SCARA3: variants seen among roughly 807,000 people sequenced by gnomAD.
SCARA3 encodes cellular stress response gene protein.
SCARA3 carries 39 observed loss-of-function variants against 47.0 expected under a neutral mutation model. That is an observed-to-expected ratio of 0.83 (90% confidence interval 0.64 to 1.08). The LOEUF (loss-of-function observed/expected upper bound fraction) is 1.08. SCARA3 is among the 50% of genes least tolerant of loss of function. SCARA3 has a pLI of 0.00. For missense variants in SCARA3, 724 were observed against 792.3 expected (o/e 0.91, Z 1.04); for synonymous variants, 356 against 334.1 (o/e 1.07, Z -0.71).
chr8:27,660,693 TGATAGATAGATAGATAGATAGATA>T (rs200533534), intron 5 of SCARA3, among the ~76,000 whole-genome samples: 1 of 89,338 alleles, frequency 1.1e-5, no homozygotes, highest in African/African-American at 3.2e-5. Context: ...GAGTGATAGA[TGATAGATAGATAGATAGATAGATA>T]GATAGATAGA....
rs1802156283 is a variant in SCARA3 at position 27,671,513 on chromosome 8, T to G, written c.*162T>G. On this transcript the variant is annotated 3_prime_UTR_variant, in exon 6 of 6. Coordinates refer to ENST00000301904, the MANE Select transcript of SCARA3 (RefSeq NM_016240.3). The stretch of plus-strand genomic sequence containing the variant: ...GCTTTGGGCTCCCCCATAGTGACTG[T>G]GCCATAGGAAAGCAGCCCCTCCTCA... The G allele has an allele frequency of 7.8e-7, 1 of 1,288,666 alleles. No individual in the cohort carries two copies. Among genetic ancestry groups the G allele is most frequent in the South Asian group, 3.0e-5 (1 of 33,120 alleles). 79.8% of individuals were successfully genotyped at this position (1,288,666 alleles called of 1,614,324 possible).
chr8:27,691,467 G>C, the SCARA3 span, among the ~76,000 whole-genome samples: 2 of 152,010 alleles, frequency 1.3e-5, no homozygotes, highest in Non-Finnish European at 2.9e-5. Context: ...AACGTTTCCA[G>C]CCTGACTGCT....
chr8:27,686,530 A>T, the SCARA3 span, among the ~76,000 whole-genome samples: 1 of 152,162 alleles, frequency 6.6e-6, no homozygotes, highest in African/African-American at 2.4e-5. Flanking sequence ...TTAGTAAGAA[A>T]CAAGGAGGAC....
the SCARA3 span, chr8:27,701,799 C>G: frequency 6.5e-6 from 1 of 153,708 alleles, no homozygotes. Context: ...AGATCGTGAG[C>G]TGCTTGATGA....
rs1449682449 is a variant in SCARA3, at chr8:27,659,460, C to T, written c.1290C>T (p.Asn430=). 12 of 1,613,926 alleles carry T rather than the reference C, an allele frequency of 7.4e-6. No individual in the cohort carries two copies. Among genetic ancestry groups the T allele is most frequent in the Non-Finnish European group, 1.0e-5 (12 of 1,179,992 alleles). ...CCCGGCTGGACCTCAACGTCCGGAA[C>T]CTCTCCATGATCGTGGAGGAGATGA... ...LSARLDLNVR[N]LSMIVEEMKA... is the part of the protein sequence containing the mutation. Residue 430 remains asparagine (N), a synonymous_variant, in exon 5 of 6, where the codon AAC becomes AAT. Coordinates refer to ENST00000301904, the MANE Select transcript of SCARA3 (RefSeq NM_016240.3).
the SCARA3 span, among the ~76,000 whole-genome samples, chr8:27,715,821 AGAT>A: frequency 2.1e-5 from 3 of 140,658 alleles, no homozygotes; most frequent in African/African-American, 8.0e-5. The surrounding 1 kb of genome is among the most constrained non-coding windows in gnomAD (Gnocchi z 4.2). Context: ...ATAGATAGAT[AGAT>A]GATAGATAGA....
downstream of SCARA3, among the ~76,000 whole-genome samples, chr8:27,675,888 G>A (rs1802269426): frequency 6.6e-6 from 1 of 151,938 alleles, no homozygotes; most frequent in Non-Finnish European, 1.5e-5. Context: ...GAATGGGGCG[G>A]GACGGGGTGT....
At chr8:27,640,927 G>T (rs139714457) in intron 1 of SCARA3, among the ~76,000 whole-genome samples, 4,377 of 152,240 alleles carry the variant, frequency 0.029, 99 homozygotes, top group Non-Finnish European at 0.044. Context: ...AAACTCTTGG[G>T]CTCAAGTGAT....
In SCARA3 at chr8:27,658,987, G is replaced by A; in HGVS notation, c.817G>A (p.Gly273Arg). ...SGLRTTSTKT[G>R]EAVKNIQATL... ...CCTGCGCACCACCTCCACCAAGACTGGAGAGGCGGTCAAGAACATCCAGGC... is the reference window on the plus strand; with the variant it reads ...CCTGCGCACCACCTCCACCAAGACTAGAGAGGCGGTCAAGAACATCCAGGC... Residue 273 changes from glycine to arginine, a missense_variant, in exon 5 of 6, where the codon GGA (glycine) becomes AGA (arginine). Transcript: ENST00000301904. The A allele has an allele frequency of 1.2e-6, 2 of 1,614,060 alleles. No homozygotes were observed. Among genetic ancestry groups the A allele is most frequent in the Non-Finnish European group, 1.7e-6 (2 of 1,180,000 alleles).
chr8:27,640,131 G>A (rs368359737), intron 1 of SCARA3, among the ~76,000 whole-genome samples: 84 of 152,152 alleles, frequency 5.5e-4, no homozygotes, highest in African/African-American at 1.9e-3. Context: ...CGGGAGGCAA[G>A]GGAAGGAGAA....
At chr8:27,660,729 AGATAGATC>A (rs1801890340) in intron 5 of SCARA3, among the ~76,000 whole-genome samples, 1 of 148,212 alleles carries the variant, frequency 6.7e-6, no homozygotes, top group East Asian at 2.1e-4. Flanking sequence ...ATAGATAGAT[AGATAGATC>A]CAGAGAAACA....
the SCARA3 span, among the ~76,000 whole-genome samples, chr8:27,689,724 C>G: frequency 1.1e-3 from 166 of 152,298 alleles, 1 homozygote; most frequent in Middle Eastern, 3.4e-3. Context: ...AGGCCCGGTG[C>G]TCTCTCAGCT....
chr8:27,691,879 G>T, the SCARA3 span, among the ~76,000 whole-genome samples: 4 of 152,098 alleles, frequency 2.6e-5, no homozygotes, highest in Admixed American at 1.3e-4. Flanking sequence ...CTAAGATCCA[G>T]CAATTCCAAT....
At chr8:27,648,124 G>A (rs1801547648) in intron 1 of SCARA3, among the ~76,000 whole-genome samples, 1 of 152,230 alleles carries the variant, frequency 6.6e-6, no homozygotes, top group Admixed American at 6.5e-5. Context: ...GTGGTTGTAG[G>A]TATGGTAGAA....
chr8:27,677,133 C>A (rs1264329213), downstream of SCARA3, among the ~76,000 whole-genome samples: 1 of 152,200 alleles, frequency 6.6e-6, no homozygotes. Context: ...ACTCATTCAA[C>A]AAATAGTTCT....
At chr8:27,652,164 T>G (rs1291459774) in intron 3 of SCARA3, among the ~76,000 whole-genome samples, 1 of 152,238 alleles carries the variant, frequency 6.6e-6, no homozygotes, top group Non-Finnish European at 1.5e-5. Flanking sequence ...CAGCCAGACC[T>G]GCTGAGACCA....
chr8:27,670,670 C>G (rs1802124517), intron 5 of SCARA3, among the ~76,000 whole-genome samples: 1 of 152,090 alleles, frequency 6.6e-6, no homozygotes, highest in Non-Finnish European at 1.5e-5. Context: ...CTGGCCAGCC[C>G]CTTGTTCCCT....
At chr8:27,687,150 C>T in the SCARA3 span, among the ~76,000 whole-genome samples, 66 of 152,252 alleles carry the variant, frequency 4.3e-4, no homozygotes, top group African/African-American at 1.5e-3. Flanking sequence ...AACCAATTAG[C>T]CAAAGAGTGT....
At chr8:27,717,743 C>T in the SCARA3 span, among the ~76,000 whole-genome samples, 1 of 152,102 alleles carries the variant, frequency 6.6e-6, no homozygotes, top group Non-Finnish European at 1.5e-5. Context: ...CAAGATCGCA[C>T]CACTGCACTC....
Sources: gnomAD v4.1 joint callset for allele counts (sites outside exome capture counted in the v4.1 genomes callset) on GRCh38, gnomAD v4.1.1 for gene constraint, Gnocchi (gnomAD v3.1) non-coding constraint, MANE v1.5 for transcripts, NCBI Gene and HGNC (gene_info 2026-07-23, HGNC 2026-07-21) for gene names.